PRKCB: variants seen among roughly 807,000 people sequenced by gnomAD.
The protein encoded by PRKCB is protein kinase C beta type.
PRKCB carries 13 observed loss-of-function variants against 81.5 expected under a neutral mutation model. That is an observed-to-expected ratio of 0.16 (90% CI 0.10 to 0.25). The LOEUF is 0.25. Among genes scored for constraint, PRKCB ranks in the 10% least tolerant of loss-of-function variants. The pLI, the probability that PRKCB is intolerant of heterozygous loss-of-function variation, is 1.00. For synonymous variants in PRKCB, 335 were observed against 321.4 expected, an observed-to-expected ratio of 1.04 and a Z score of -0.45; for missense variants, 509 against 875.7, an observed-to-expected ratio of 0.58 and a Z score of 5.29.
At chr16:23,895,030 C>T (rs76309905) in intron 2 of PRKCB, among the ~76,000 whole-genome samples, 2,388 of 152,140 alleles carry the variant, frequency 0.016, 62 homozygotes, top group African/African-American at 0.053. Context: ...TACCATACCC[C>T]CAAAGCAAAA....
intron 2 of PRKCB, among the ~76,000 whole-genome samples, chr16:23,902,732 C>CCCTCCCTCCCTCCGTCCCTTCCTTCCTT (rs1175142476): frequency 1.8e-4 from 2 of 11,128 alleles, no homozygotes; most frequent in East Asian, 0.017. Context: ...CTCCCTTCCT[C>CCCTCCCTCCCTCCGTCCCTTCCTTCCTT]CCTTCCTTCC....
chr16:24,029,361 A>T (rs1023389397), intron 3 of PRKCB, among the ~76,000 whole-genome samples: 3 of 152,200 alleles, frequency 2.0e-5, no homozygotes, highest in Non-Finnish European at 4.4e-5. Flanking sequence ...CATGATAGCG[A>T]GTGAGTTCTC....
At chr16:24,110,510 C>CTTTTTTTTTT (rs1211090636) in intron 7 of PRKCB, among the ~76,000 whole-genome samples, 1 of 111,176 alleles carries the variant, frequency 9.0e-6, no homozygotes, top group African/African-American at 4.5e-5. Flanking sequence ...CATGCCCAAC[C>CTTTTTTTTTT]TTTTTTTTTT....
At chr16:23,839,070 A>G (rs537906665) in intron 2 of PRKCB, among the ~76,000 whole-genome samples, 19 of 152,226 alleles carry the variant, frequency 1.2e-4, no homozygotes, top group African/African-American at 4.6e-4. Context: ...GCGATTTTTA[A>G]ACATTTTTAC....
chr16:24,013,348 C>T (rs8043858), intron 3 of PRKCB, among the ~76,000 whole-genome samples: 70,892 of 151,912 alleles, frequency 0.47, 16,849 homozygotes, highest in African/African-American at 0.55. Flanking sequence ...ACAGTTACTT[C>T]TGCACCAACC....
chr16:24,035,696 C>A (rs1965607265), intron 5 of PRKCB, 149 bp downstream of exon 5: 4 of 975,670 alleles, frequency 4.1e-6, no homozygotes, highest in South Asian at 3.5e-5. Flanking sequence ...CTGCCCCATG[C>A]CCTGCCCATG....
chr16:23,935,785 C>G (rs1328795985), intron 2 of PRKCB, among the ~76,000 whole-genome samples: 1 of 151,916 alleles, frequency 6.6e-6, no homozygotes, highest in Non-Finnish European at 1.5e-5. Flanking sequence ...AACAGAAAAT[C>G]AAATACTGCA....
At chr16:24,057,926 C>T (rs1441898055) in intron 5 of PRKCB, among the ~76,000 whole-genome samples, 1 of 152,134 alleles carries the variant, frequency 6.6e-6, no homozygotes, top group Non-Finnish European at 1.5e-5. Flanking sequence ...CCATGTCACC[C>T]CCCTGCTTAA....
intron 9 of PRKCB, among the ~76,000 whole-genome samples, chr16:24,153,677 C>G (rs1044216621): frequency 6.6e-6 from 1 of 152,128 alleles, no homozygotes; most frequent in Non-Finnish European, 1.5e-5. Flanking sequence ...GGGTGACACG[C>G]AGAAAATACC....
intron 10 of PRKCB, among the ~76,000 whole-genome samples, chr16:24,169,351 TGTGGAAC>T (rs1967401961): frequency 6.6e-6 from 1 of 152,178 alleles, no homozygotes; most frequent in Non-Finnish European, 1.5e-5. Flanking sequence ...CTCCTGGATT[TGTGGAAC>T]GTTCAGTCAC....
intron 3 of PRKCB, among the ~76,000 whole-genome samples, chr16:24,011,614 T>A (rs1438564979): frequency 2.0e-5 from 3 of 152,172 alleles, no homozygotes; most frequent in African/African-American, 7.2e-5. Flanking sequence ...ATTCCTGGGA[T>A]CAAGTGATCC....
In PRKCB at chr16:24,219,052, CAAG is replaced by C; in HGVS notation, c.*4238_*4240del. ...TGGGTGTGGTGATGATGAGGAAAGA[CAAG>C]AGGCTTGCAAGGACCCTGAAGAGGT... On this transcript the variant is annotated 3_prime_UTR_variant, in exon 17 of 17. Coordinates refer to ENST00000643927, the MANE Select transcript of PRKCB (RefSeq NM_002738.7). The C allele has an allele frequency of 1.0e-6, 1 of 985,454 alleles. No individual in the cohort carries two copies. Among genetic ancestry groups the C allele is most frequent in the South Asian group, 4.7e-5 (1 of 21,284 alleles). 61.0% of individuals were successfully genotyped at this position (985,454 alleles called of 1,614,324 possible).
chr16:24,109,427 C>T (rs1445986521), intron 7 of PRKCB, among the ~76,000 whole-genome samples: 1 of 115,190 alleles, frequency 8.7e-6, no homozygotes, highest in African/African-American at 3.9e-5. Flanking sequence ...ACCTCCCAGA[C>T]GGGGTTGCGG....
At chr16:23,941,194 G>A (rs1181949256) in intron 2 of PRKCB, among the ~76,000 whole-genome samples, 1 of 152,200 alleles carries the variant, frequency 6.6e-6, no homozygotes, top group Non-Finnish European at 1.5e-5. Context: ...TTATAAAGAA[G>A]TGAGCATGGC....
chr16:23,923,560 A>C (rs1963855994), intron 2 of PRKCB, among the ~76,000 whole-genome samples: 1 of 152,122 alleles, frequency 6.6e-6, no homozygotes, highest in Non-Finnish European at 1.5e-5. Flanking sequence ...GTTCTCCAGA[A>C]GGATATTTGG....
intron 5 of PRKCB, among the ~76,000 whole-genome samples, chr16:24,090,999 T>C (rs1341657547): frequency 3.3e-5 from 5 of 152,222 alleles, no homozygotes. Flanking sequence ...GCTGTCTGGG[T>C]GCAGGTTATG....
At chr16:24,116,633 T>A (rs1318554116) in intron 8 of PRKCB, among the ~76,000 whole-genome samples, 1 of 152,114 alleles carries the variant, frequency 6.6e-6, no homozygotes, top group East Asian at 1.9e-4. Context: ...CAAGCCCAAG[T>A]GAACTGAAAA....
intron 2 of PRKCB, among the ~76,000 whole-genome samples, chr16:23,957,081 G>T (rs1028927272): frequency 6.7e-6 from 1 of 148,472 alleles, no homozygotes; most frequent in Non-Finnish European, 1.5e-5. Flanking sequence ...TAAAGAAAAA[G>T]ATTAGACAGT....
At chr16:24,131,057 A>G (rs1190197885) in intron 9 of PRKCB, among the ~76,000 whole-genome samples, 1 of 152,210 alleles carries the variant, frequency 6.6e-6, no homozygotes, top group Non-Finnish European at 1.5e-5. Context: ...TGTTCAAATC[A>G]TGGAGCACGC....
Sources: allele counts gnomAD v4.1 joint callset (sites outside exome capture counted in the v4.1 genomes callset), GRCh38; gene constraint gnomAD v4.1.1; transcripts MANE v1.5; gene names NCBI Gene and HGNC (gene_info 2026-07-23, HGNC 2026-07-21).